Variants in PREP observed in about 807,000 individuals in gnomAD.
The protein encoded by PREP is dJ355L5.1 (prolyl endopeptidase).
In PREP, 29 loss-of-function variants were observed where a neutral mutation model predicts 87.6. The observed-to-expected ratio is 0.33, with a 90% confidence interval of 0.25 to 0.45. The LOEUF (loss-of-function observed/expected upper bound fraction) is 0.45. Among genes scored for constraint, PREP ranks in the 20% least tolerant of loss-of-function variants. The probability of loss-of-function intolerance (pLI) is 1.00; values close to 1 mark genes in which losing one functional copy is unlikely to be tolerated. For missense variants in PREP, 695 were observed against 886.5 expected (o/e 0.78, Z 2.74); for synonymous variants, 337 against 328.6 (o/e 1.03, Z -0.28).
intron 10 of PREP, among the ~76,000 whole-genome samples, chr6:105,299,676 T>A (rs1770490442): frequency 6.6e-6 from 1 of 152,232 alleles, no homozygotes; most frequent in Non-Finnish European, 1.5e-5. Flanking sequence ...CCTGTTTCAG[T>A]GTTTTTTTCC....
rs1554210966 is a variant in PREP at position 105,373,487 on chromosome 6, A to G, written c.477T>C (p.Asp159=). The change falls in exon 5 of 15, where the codon GAT becomes GAC. Residue 159 remains aspartate (D), a synonymous_variant. Transcript: ENST00000652536. ...DWVTIKFMKV[D]GAKELPDVLE... ...GCACATCTGGAAGCTCTTTGGCACC[A>G]TCAACTTTCATGAACTTGATTGTCA... The G allele has an allele frequency of 6.2e-7, 1 of 1,614,238 alleles. No individual in the cohort carries two copies. Among genetic ancestry groups the G allele is most frequent in the Non-Finnish European group, 8.5e-7 (1 of 1,180,048 alleles).
intron 1 of PREP, among the ~76,000 whole-genome samples, chr6:105,399,158 T>C (rs1438479098): frequency 6.6e-6 from 1 of 152,174 alleles, no homozygotes; most frequent in Non-Finnish European, 1.5e-5. Flanking sequence ...GACAATGTCT[T>C]GCCAATCAAG....
chr6:105,318,586 C>T (rs1770929929), intron 10 of PREP, among the ~76,000 whole-genome samples: 1 of 152,162 alleles, frequency 6.6e-6, no homozygotes, highest in Admixed American at 6.5e-5. Flanking sequence ...GCTAGAATGC[C>T]TGCATGATGG....
chr6:105,346,974 C>T (rs1041373593), intron 7 of PREP, among the ~76,000 whole-genome samples: 1 of 151,958 alleles, frequency 6.6e-6, no homozygotes, highest in African/African-American at 2.4e-5. Flanking sequence ...GTGGCAGGCA[C>T]CTATAATCCT....
At chr6:105,374,667 T>TCAG in intron 4 of PREP, among the ~76,000 whole-genome samples, 2 of 65,974 alleles carry the variant, frequency 3.0e-5, no homozygotes, top group African/African-American at 3.2e-4. Context: ...TATATATATA[T>TCAG]ATATATATAT....
In PREP at chr6:105,333,753, G is replaced by T. The variant is rs142800222; in HGVS notation, c.824-248C>A. Among the ~76,000 whole-genome samples the T allele has an allele frequency of 2.6e-4, 40 of 152,254 alleles. No homozygotes were observed. In the East Asian group the frequency reaches 6.6e-3, roughly 25 times the overall value. ...TCTTCCCGGCCCATCACCCCCACAA[G>T]ATCTGGTAAATCCTCTTCTAACTGA... On this transcript the variant is annotated intron_variant, in intron 7 of 14. Coordinates refer to ENST00000652536, the MANE Select transcript of PREP (RefSeq NM_002726.5).
At chr6:105,337,143 T>C (rs1269894306) in intron 7 of PREP, among the ~76,000 whole-genome samples, 1 of 152,182 alleles carries the variant, frequency 6.6e-6, no homozygotes, top group Admixed American at 6.5e-5. Context: ...ATCTGATCAT[T>C]TGACTGGCCA....
At chr6:105,284,919 A>G (rs777376136) in intron 12 of PREP, among the ~76,000 whole-genome samples, 2 of 152,236 alleles carry the variant, frequency 1.3e-5, no homozygotes, top group Non-Finnish European at 2.9e-5. Context: ...TAGAAAAATG[A>G]TTGTTTTTGT....
Position 105,402,849 on chromosome 6 carries a change from C to T in PREP, c.43G>A (p.Ala15Thr), listed in dbSNP as rs1259076321. Residue 15 changes from alanine (A) to threonine (T), a missense_variant and splice_region_variant, in exon 1 of 15, where the codon GCC becomes ACC. Physicochemically the swap from Ala to Thr is moderately conservative, Grantham distance 58 (BLOSUM62 0). Coordinates refer to ENST00000652536, the MANE Select transcript of PREP (RefSeq NM_002726.5). ...TGGGCGGAGGCAGAGATACTTACGG[C>T]GGTCTCGTCGCGGTACACGTCGGGG... is the stretch of plus-strand genomic sequence containing the variant. ...QYPDVYRDET[A>T]VQDYHGHKIC... is the part of the protein sequence containing the mutation. 21 of 1,543,470 alleles carry T rather than the reference C, an allele frequency of 1.4e-5. No individual in the cohort carries two copies. Among genetic ancestry groups the T allele is most frequent in the African/African-American group, 4.1e-5 (3 of 73,392 alleles).
chr6:105,323,614 T>C (rs778999696), intron 10 of PREP, 51 bp downstream of exon 10: 1 of 1,496,260 alleles, frequency 6.7e-7, no homozygotes, highest in South Asian at 1.1e-5. Context: ...TGGCCCAGCC[T>C]GAAAGTCAGA....
chr6:105,303,112 C>CATGTATGT (rs141833268), intron 10 of PREP, among the ~76,000 whole-genome samples: 1,875 of 150,768 alleles, frequency 0.012, 7 homozygotes, highest in East Asian at 0.022. Context: ...AAATGAAGTC[C>CATGTATGT]ATGTATGTAT....
chr6:105,360,880 C>T (rs556879209), intron 6 of PREP, among the ~76,000 whole-genome samples: 80 of 152,228 alleles, frequency 5.3e-4, no homozygotes, highest in African/African-American at 1.8e-3. Context: ...CAAACAATTC[C>T]ACTTCACAAG....
At chr6:105,389,852 G>C (rs904398174) in intron 2 of PREP, among the ~76,000 whole-genome samples, 4 of 152,106 alleles carry the variant, frequency 2.6e-5, no homozygotes, top group African/African-American at 9.7e-5. Context: ...AACTCCTCAT[G>C]CTACACACTT....
intron 10 of PREP, among the ~76,000 whole-genome samples, chr6:105,312,256 C>T (rs1018646450): frequency 2.0e-5 from 3 of 152,152 alleles, no homozygotes; most frequent in African/African-American, 4.8e-5. Context: ...TTTATGGCTA[C>T]TTCTATACAG....
chr6:105,329,168 T>C, intron 8 of PREP, 142 bp from the exon 9 acceptor site: 1 of 800,822 alleles, frequency 1.2e-6, no homozygotes, highest in Non-Finnish European at 2.0e-6. Flanking sequence ...TTTTTTTTTT[T>C]TTGAGACAGG....
chr6:105,322,025 A>T (rs1190065), intron 10 of PREP, among the ~76,000 whole-genome samples: 56,319 of 151,920 alleles, frequency 0.37, 14,939 homozygotes, highest in African/African-American at 0.76. Context: ...GGACCAGAAC[A>T]AGGCCCTGAG....
chr6:105,371,500 C>CAAAAAAAAAAAAAAAAAAAAAAAAAAAA (rs528772896), intron 5 of PREP, among the ~76,000 whole-genome samples: 5 of 44,798 alleles, frequency 1.1e-4, no homozygotes, highest in Admixed American at 3.4e-4. Context: ...GATTCCATCT[C>CAAAAAAAAAAAAAAAAAAAAAAAAAAAA]AAAAAAAAAA....
intron 2 of PREP, among the ~76,000 whole-genome samples, chr6:105,396,253 A>G (rs2114736064): frequency 6.6e-6 from 1 of 152,376 alleles, no homozygotes; most frequent in South Asian, 2.1e-4. Flanking sequence ...AGTAAAAACC[A>G]TTAGGAAATC....
rs79965539 is a variant in PREP, at chr6:105,368,166, T to C, written c.717+737A>G. On this transcript the variant is annotated intron_variant, in intron 6 of 14. Transcript: ENST00000652536. ...GTGTCTCAATGAGCTAAAAAGTTTG[T>C]AGTACATTTCTCATTCCCACTAAAA... Among the ~76,000 whole-genome samples, 205 of 152,306 alleles carry C rather than the reference T, an allele frequency of 1.3e-3. 3 individuals carry two copies. In the East Asian group the frequency reaches 0.028, roughly 21 times the overall value.
Sources: allele counts gnomAD v4.1 joint callset (sites outside exome capture counted in the v4.1 genomes callset), GRCh38; gene constraint gnomAD v4.1.1; transcripts MANE v1.5; gene names NCBI Gene and HGNC (gene_info 2026-07-23, HGNC 2026-07-21).